The following MAN1A2 variants were observed in gnomAD, a reference collection of about 807,000 sequenced individuals.
MAN1A2 encodes mannosyl-oligosaccharide 1,2-alpha-mannosidase IB.
A neutral mutation model predicts 75.7 loss-of-function variants in MAN1A2; 26 were observed. The observed-to-expected ratio is 0.34, with a 90% CI of 0.25 to 0.48. MAN1A2 has a LOEUF of 0.48. Ranked by LOEUF, MAN1A2 falls within the 20% of genes least tolerant of loss-of-function variation. The probability of loss-of-function intolerance (pLI) is 0.99; values close to 1 mark genes in which losing one functional copy is unlikely to be tolerated. For synonymous variants in MAN1A2, 247 were observed against 264.6 expected (o/e 0.93, Z 0.65); for missense variants, 562 against 775.5 (o/e 0.72, Z 3.27).
intron 6 of MAN1A2, among the ~76,000 whole-genome samples, chr1:117,458,724 A>G (rs1267306832): frequency 6.6e-6 from 1 of 151,720 alleles, no homozygotes; most frequent in Admixed American, 6.6e-5. Flanking sequence ...GGGTTTCACC[A>G]TGTTAGCCAG....
chr1:117,401,471 A>T (rs142537152), intron 1 of MAN1A2, among the ~76,000 whole-genome samples: 2 of 152,162 alleles, frequency 1.3e-5, no homozygotes, highest in African/African-American at 4.8e-5. Flanking sequence ...ATTCCTGTGG[A>T]TTGGGGTGGA....
chr1:117,512,773 A>C (rs1651579279), intron 12 of MAN1A2, among the ~76,000 whole-genome samples: 1 of 151,756 alleles, frequency 6.6e-6, no homozygotes, highest in Non-Finnish European at 1.5e-5. Flanking sequence ...ACACACACAC[A>C]CACACACACA....
At chr1:117,469,620 G>A (rs1198153307) in intron 8 of MAN1A2, among the ~76,000 whole-genome samples, 10 of 152,002 alleles carry the variant, frequency 6.6e-5, no homozygotes, top group East Asian at 1.9e-4. Flanking sequence ...CTAACAGAAG[G>A]CAAACTACCT....
chr1:117,381,646 A>G (rs1401610395), intron 1 of MAN1A2, among the ~76,000 whole-genome samples: 1 of 152,144 alleles, frequency 6.6e-6, no homozygotes, highest in Non-Finnish European at 1.5e-5. Context: ...CAGTAAACAT[A>G]TGTGTGCATG....
At chr1:117,449,051 G>C (rs2153255) in intron 6 of MAN1A2, among the ~76,000 whole-genome samples, 1 of 151,598 alleles carries the variant, frequency 6.6e-6, no homozygotes, top group Admixed American at 6.6e-5. Context: ...TTACTCTAGG[G>C]CACCATGAGC....
At chr1:117,472,784 G>T (rs1570771673) in intron 8 of MAN1A2, among the ~76,000 whole-genome samples, 1 of 151,834 alleles carries the variant, frequency 6.6e-6, no homozygotes, top group South Asian at 2.1e-4. Context: ...AGCCCAACAC[G>T]AATTGATAAA....
intron 8 of MAN1A2, among the ~76,000 whole-genome samples, chr1:117,479,246 T>C (rs1179376310): frequency 2.0e-5 from 3 of 151,958 alleles, no homozygotes; most frequent in African/African-American, 7.2e-5. Flanking sequence ...GGCTTCCAGC[T>C]CCAGCCATGT....
chr1:117,399,034 A>G (rs1467071795), intron 1 of MAN1A2, among the ~76,000 whole-genome samples: 3 of 152,198 alleles, frequency 2.0e-5, no homozygotes, highest in Non-Finnish European at 4.4e-5. Context: ...CGCATGCTAA[A>G]AAGAGTATGC....
intron 1 of MAN1A2, among the ~76,000 whole-genome samples, chr1:117,377,301 A>G (rs1653181292): frequency 1.3e-5 from 2 of 152,188 alleles, no homozygotes; most frequent in Non-Finnish European, 2.9e-5. Context: ...TTCTCTCTAC[A>G]TAAAAAGATT....
At chr1:117,431,964 C>G (rs1226110236) in intron 5 of MAN1A2, among the ~76,000 whole-genome samples, 1 of 152,110 alleles carries the variant, frequency 6.6e-6, no homozygotes, top group African/African-American at 2.4e-5. Context: ...AAACAAAAAA[C>G]AAGCACGATC....
At chr1:117,476,114 A>G (rs1352502606) in intron 8 of MAN1A2, among the ~76,000 whole-genome samples, 1 of 152,182 alleles carries the variant, frequency 6.6e-6, no homozygotes. Context: ...TCTAATGACC[A>G]GTGATGATGA....
intron 3 of MAN1A2, among the ~76,000 whole-genome samples, chr1:117,413,994 C>T (rs2101770257): frequency 6.6e-6 from 1 of 151,868 alleles, no homozygotes; most frequent in Middle Eastern, 3.4e-3. Context: ...ATCAGTTAGG[C>T]TGGTTTTGAA....
rs912453039 is a variant in MAN1A2 at position 117,527,369 on chromosome 1, C to T, written c.*4412C>T. On this transcript the variant is annotated 3_prime_UTR_variant, in exon 13 of 13. Transcript: ENST00000356554. ...TTGGTCCATGGGTCATAGTTAGTGA[C>T]CCTGATCCCAAGTTTATTTTGTGTT... 1.3e-5 allele frequency: 2 copies of T among 151,916 alleles called. No homozygotes were observed. The highest frequency in any genetic ancestry group is 2.9e-5 in the Non-Finnish European group (2 of 67,874). The allele number at this position is 151,916 out of a possible 1,614,324, so 9.4% of individuals were successfully genotyped here.
chr1:117,436,002 G>A (rs1648835764), intron 5 of MAN1A2, among the ~76,000 whole-genome samples: 1 of 152,076 alleles, frequency 6.6e-6, no homozygotes, highest in Admixed American at 6.5e-5. Context: ...AGGTTGCAGT[G>A]AGCCTAGATC....
In MAN1A2 at chr1:117,522,862, C is replaced by T; in HGVS notation, c.1831C>T (p.Pro611Ser). Residue 611 changes from proline to serine, a missense_variant, in exon 13 of 13, where the codon CCT becomes TCT. By Grantham distance (74) the Pro-to-Ser change is moderately conservative. Around this residue, in one of 2 missense-constraint regions of MAN1A2, gnomAD observed 434 missense variants for 645.7 expected, o/e 0.67. Coordinates refer to ENST00000356554, the MANE Select transcript of MAN1A2 (RefSeq NM_006699.5). ...YLLFSGDDLLPLDHWVFNTEA... is the reference protein window; with the variant it reads ...YLLFSGDDLLSLDHWVFNTEA... The stretch of plus-strand genomic sequence containing the variant: ...GCTGTTCTCCGGTGATGACCTTTTA[C>T]CTTTAGACCACTGGGTGTTTAATAC... 1 of 1,611,698 alleles carries T rather than the reference C, an allele frequency of 6.2e-7. No individual in the cohort carries two copies. Among genetic ancestry groups the T allele is most frequent in the Non-Finnish European group, 8.5e-7 (1 of 1,178,422 alleles).
intron 5 of MAN1A2, among the ~76,000 whole-genome samples, chr1:117,428,394 T>C (rs1394516769): frequency 6.6e-6 from 1 of 151,726 alleles, no homozygotes; most frequent in Non-Finnish European, 1.5e-5. Context: ...GGATTACAAA[T>C]GAAAGCCACT....
At chr1:117,409,058 A>G (rs935756592) in intron 3 of MAN1A2, among the ~76,000 whole-genome samples, 9 of 151,848 alleles carry the variant, frequency 5.9e-5, no homozygotes, top group Admixed American at 2.6e-4. Context: ...TATTAATTTT[A>G]TTGATCTTTT....
intron 8 of MAN1A2, among the ~76,000 whole-genome samples, chr1:117,484,454 C>A (rs1650598528): frequency 6.6e-6 from 1 of 151,852 alleles, no homozygotes; most frequent in Non-Finnish European, 1.5e-5. Flanking sequence ...ATATGGGTCC[C>A]ATGGTGTTTT....
In MAN1A2 at chr1:117,478,072, T is replaced by TAA. The variant is rs544396958; in HGVS notation, c.1168+11646_1168+11647insAA. On this transcript the variant is annotated intron_variant, in intron 8 of 12. Coordinates refer to ENST00000356554, the MANE Select transcript of MAN1A2 (RefSeq NM_006699.5). ...GAATAAAATACCTAGGAATCCAACTTACAAGGGATGTGAAGGACCTCTTCA... is the reference window on the plus strand; with the variant it reads ...GAATAAAATACCTAGGAATCCAACTTAAACAAGGGATGTGAAGGACCTCTTCA... Among the ~76,000 whole-genome samples, 22 of 152,132 alleles carry TAA rather than the reference T, an allele frequency of 1.4e-4. No homozygotes were observed. In the South Asian group the frequency reaches 4.4e-3, roughly 30 times the overall value.
Sources: allele counts gnomAD v4.1 joint callset (sites outside exome capture counted in the v4.1 genomes callset), GRCh38; gene constraint gnomAD v4.1.1; regional missense constraint gnomAD v4.1.1; transcripts MANE v1.5; gene names NCBI Gene and HGNC (gene_info 2026-07-23, HGNC 2026-07-21).